Variants in DIAPH3 observed in about 807,000 individuals in gnomAD.
The protein encoded by DIAPH3 is diaphanous related formin 3.
A neutral mutation model predicts 144.3 loss-of-function variants in DIAPH3; 117 were observed. The ratio of observed to expected loss-of-function variants is 0.81; its 90% CI spans 0.70 to 0.95. The LOEUF (loss-of-function observed/expected upper bound fraction) is 0.95, where lower values mean the gene tolerates loss of function less well. DIAPH3 is among the 40% of genes least tolerant of loss of function. The pLI is 0.00. For synonymous variants in DIAPH3, 519 were observed against 488.9 expected (o/e 1.06, Z -0.81); for missense variants, 1,421 against 1,412.7 (o/e 1.01, Z -0.09).
chr13:59,868,771 C>G (rs2044080716), intron 21 of DIAPH3, among the ~76,000 whole-genome samples: 1 of 152,098 alleles, frequency 6.6e-6, no homozygotes, highest in South Asian at 2.1e-4. Context: ...GTTTTATTGT[C>G]TCTAGACTTT....
At chr13:59,771,278 G>C (rs1184803292) in intron 27 of DIAPH3, among the ~76,000 whole-genome samples, 1 of 151,964 alleles carries the variant, frequency 6.6e-6, no homozygotes, top group African/African-American at 2.4e-5. Flanking sequence ...TAAAATTGCA[G>C]CTAATAAACT....
intron 9 of DIAPH3, among the ~76,000 whole-genome samples, chr13:60,003,965 G>A (rs966381329): frequency 1.3e-5 from 2 of 152,004 alleles, no homozygotes; most frequent in African/African-American, 2.4e-5. Flanking sequence ...TCAAATGGGG[G>A]AAGTGTGCAC....
At chr13:60,044,734 A>G (rs561405727) in intron 4 of DIAPH3, among the ~76,000 whole-genome samples, 37 of 152,336 alleles carry the variant, frequency 2.4e-4, no homozygotes, top group African/African-American at 7.2e-4. Flanking sequence ...TAAAACATAT[A>G]TGATATGGTT....
chr13:59,666,760 G>C lies in DIAPH3; in HGVS notation c.3406C>G (p.Leu1136Val), dbSNP rs768944399. ...NSTRTPVAKE[L>V]NYNLDTHTST... Reference sequence around the variant, plus strand: ...GTATGAGTGTCTAGATTATAATTAAGCTCCTTGGCGACTGGAGTCCTTGTT... The same window carrying C: ...GTATGAGTGTCTAGATTATAATTAACCTCCTTGGCGACTGGAGTCCTTGTT... The change falls in exon 28 of 28, where the codon CTT becomes GTT. Residue 1136 changes from leucine to valine, a missense_variant. By Grantham distance (32) the Leu-to-Val change is conservative (BLOSUM62 1). Coordinates refer to ENST00000400324, the MANE Select transcript of DIAPH3 (RefSeq NM_001042517.2). 1.9e-6 allele frequency: 3 copies of C among 1,614,022 alleles called. No homozygotes were observed. Among genetic ancestry groups the C allele is most frequent in the Non-Finnish European group, 2.5e-6 (3 of 1,179,982 alleles).
rs140281809 is a variant in DIAPH3 at position 59,761,239 on chromosome 13, T to A, written c.3319+12950A>T. Among the ~76,000 whole-genome samples the A allele has an allele frequency of 2.8e-3, 423 of 152,270 alleles. 3 individuals are homozygous for A. The highest frequency in any genetic ancestry group is 9.6e-3 in the African/African-American group (397 of 41,562). ...CACAGTTCCAGCTATGCTAACTACA[T>A]CCCTGGCTTTCATGAGATCAGTGTA... On this transcript the variant is annotated intron_variant, in intron 27 of 27. Coordinates refer to ENST00000400324, the MANE Select transcript of DIAPH3 (RefSeq NM_001042517.2).
chr13:59,801,077 A>C (rs2039877384), intron 25 of DIAPH3, among the ~76,000 whole-genome samples: 1 of 152,192 alleles, frequency 6.6e-6, no homozygotes, highest in Admixed American at 6.5e-5. Context: ...AGAAAGTACA[A>C]TCTAATTAGC....
At chr13:60,051,536 C>T (rs1164431579) in intron 4 of DIAPH3, among the ~76,000 whole-genome samples, 1 of 152,038 alleles carries the variant, frequency 6.6e-6, no homozygotes, top group Non-Finnish European at 1.5e-5. Context: ...AGGACAATTG[C>T]TTGAACCTGG....
chr13:59,715,974 G>T (rs962697218), intron 27 of DIAPH3, among the ~76,000 whole-genome samples: 1 of 152,020 alleles, frequency 6.6e-6, no homozygotes, highest in Non-Finnish European at 1.5e-5. Flanking sequence ...TTTAAAGTGG[G>T]CATACCACAT....
At chr13:59,926,511 T>C (rs935845980) in intron 17 of DIAPH3, among the ~76,000 whole-genome samples, 1 of 152,224 alleles carries the variant, frequency 6.6e-6, no homozygotes, top group Admixed American at 6.5e-5. Flanking sequence ...ATTTTGTTTC[T>C]ACTTTAACTC....
chr13:59,703,906 T>G (rs1055261424), intron 27 of DIAPH3, among the ~76,000 whole-genome samples: 2 of 152,158 alleles, frequency 1.3e-5, no homozygotes, highest in Admixed American at 1.3e-4. Flanking sequence ...AGGATTCACT[T>G]TCTTCTGGAA....
chr13:59,949,351 T>C (rs1229161407), intron 17 of DIAPH3, among the ~76,000 whole-genome samples: 10 of 152,164 alleles, frequency 6.6e-5, no homozygotes, highest in African/African-American at 9.7e-5. Flanking sequence ...TAGTCACAAA[T>C]ATCTGGGAGA....
intron 22 of DIAPH3, among the ~76,000 whole-genome samples, chr13:59,841,653 T>C (rs2042351978): frequency 6.6e-6 from 1 of 152,160 alleles, no homozygotes; most frequent in African/African-American, 2.4e-5. Flanking sequence ...CTTTGTGCTA[T>C]AAATTAGGTT....
At chr13:60,003,407 C>A (rs1205322734) in intron 9 of DIAPH3, among the ~76,000 whole-genome samples, 1 of 151,488 alleles carries the variant, frequency 6.6e-6, no homozygotes, top group Non-Finnish European at 1.5e-5. Context: ...ATGTTGCTTG[C>A]AGCTGAGAAA....
At chr13:60,105,125 A>AAAAAAAAAAAAAC (rs2058383698) in intron 3 of DIAPH3, among the ~76,000 whole-genome samples, 5 of 148,538 alleles carry the variant, frequency 3.4e-5, no homozygotes, top group African/African-American at 9.9e-5. Flanking sequence ...AAAAAAAAAA[A>AAAAAAAAAAAAAC]CTGCCAGTGA....
chr13:59,905,174 CT>C (rs2046657191), intron 20 of DIAPH3, among the ~76,000 whole-genome samples: 1 of 151,378 alleles, frequency 6.6e-6, no homozygotes, highest in African/African-American at 2.4e-5. Context: ...AACCCCGTCT[CT>C]ACTAAAAACA....
intron 27 of DIAPH3, among the ~76,000 whole-genome samples, chr13:59,717,652 G>T (rs2035127454): frequency 6.6e-6 from 1 of 152,084 alleles, no homozygotes; most frequent in Non-Finnish European, 1.5e-5. Context: ...ATTAGGTTTT[G>T]TTTTCAGTTA....
At chr13:60,023,773 A>G (rs867608370) in intron 5 of DIAPH3, among the ~76,000 whole-genome samples, 1 of 140,106 alleles carries the variant, frequency 7.1e-6, no homozygotes, top group Non-Finnish European at 1.5e-5. Flanking sequence ...CTGTGTGTGA[A>G]TTTCTTTGAG....
chr13:60,161,466 G>C (rs945384719), intron 1 of DIAPH3, among the ~76,000 whole-genome samples: 1 of 152,202 alleles, frequency 6.6e-6, no homozygotes, highest in African/African-American at 2.4e-5. Context: ...CTGGGATACT[G>C]AACTTTAGTA....
At chr13:59,737,463 A>G (rs2036213902) in intron 27 of DIAPH3, among the ~76,000 whole-genome samples, 2 of 152,238 alleles carry the variant, frequency 1.3e-5, no homozygotes, top group African/African-American at 2.4e-5. Flanking sequence ...AGAAATATGA[A>G]CAAAACTTAG....
Sources: gnomAD v4.1 joint callset for allele counts (sites outside exome capture counted in the v4.1 genomes callset) on GRCh38, gnomAD v4.1.1 for gene constraint, MANE v1.5 for transcripts, NCBI Gene and HGNC (gene_info 2026-07-23, HGNC 2026-07-21) for gene names.